The following EPRS1 variants were observed in gnomAD, a reference collection of about 807,000 sequenced individuals.
EPRS1 encodes the protein glutamyl-prolyl-tRNA synthetase 1.
A neutral mutation model predicts 188.3 loss-of-function variants in EPRS1; 107 were observed. The observed-to-expected ratio is 0.57, with a 90% confidence interval of 0.49 to 0.67. The LOEUF (loss-of-function observed/expected upper bound fraction) is 0.67. Among genes scored for constraint, EPRS1 ranks in the 30% least tolerant of loss-of-function variants. EPRS1 has a pLI of 0.00. For missense variants in EPRS1, 1,577 were observed against 1,802.2 expected, an observed-to-expected ratio of 0.88 and a Z score of 2.26; for synonymous variants, 596 against 593.1, an observed-to-expected ratio of 1.00 and a Z score of -0.07.
intron 30 of EPRS1, among the ~76,000 whole-genome samples, chr1:219,969,931 G>A (rs527292102): frequency 3.1e-4 from 47 of 152,026 alleles, no homozygotes; most frequent in Middle Eastern, 3.4e-3. Context: ...AGCAATTCTC[G>A]TGCCCCAGCC....
At chr1:220,027,427 CAAAAA>C (rs35659781) in intron 6 of EPRS1, among the ~76,000 whole-genome samples, 1 of 138,134 alleles carries the variant, frequency 7.2e-6, no homozygotes. Context: ...GACTCCATCT[CAAAAA>C]AAAAAAAAAA....
At chr1:220,013,710 T>C (rs1198635974) in intron 12 of EPRS1, among the ~76,000 whole-genome samples, 3 of 152,094 alleles carry the variant, frequency 2.0e-5, no homozygotes, top group African/African-American at 4.8e-5. Flanking sequence ...TAATTAGAGA[T>C]TGAGAGTGCC....
intron 23 of EPRS1, among the ~76,000 whole-genome samples, chr1:219,981,904 C>T (rs1660908775): frequency 1.3e-5 from 2 of 152,132 alleles, no homozygotes; most frequent in African/African-American, 4.8e-5. Context: ...AAACAATTTG[C>T]TGAATCCAGC....
Position 220,032,395 on chromosome 1 carries a change from C to T in EPRS1, c.520G>A (p.Ala174Thr), listed in dbSNP as rs780886318. The change falls in exon 5 of 32, where the codon GCT becomes ACT. Residue 174 changes from alanine to threonine, a missense_variant. Physicochemically the swap from Ala to Thr is moderately conservative, Grantham distance 58. This residue lies in a region of EPRS1 where 1,278 missense variants were observed against 1,457.4 expected (regional missense o/e 0.88). Transcript: ENST00000366923. ...GTKWDVSTTK[A>T]RVAPEKKQDV... ...AAGAAAAAAAGGCTTACCACTCGAG[C>T]TTTGGTTGTTGAAACATCCCACTTG... 8 of 1,600,734 alleles carry T rather than the reference C, an allele frequency of 5.0e-6. No individual in the cohort carries two copies. The Admixed American group carries it at 1.1e-4, about 21-fold the overall frequency.
At chr1:220,022,574 T>A in intron 8 of EPRS1, 56 bp from the exon 9 acceptor site, 2 of 1,331,060 alleles carry the variant, frequency 1.5e-6, no homozygotes, top group South Asian at 2.7e-5. Flanking sequence ...CAAATTATTC[T>A]CATAGTGCTA....
chr1:219,984,725 T>TA (rs983852889), intron 20 of EPRS1, among the ~76,000 whole-genome samples: 1 of 148,370 alleles, frequency 6.7e-6, no homozygotes, highest in African/African-American at 2.5e-5. Flanking sequence ...GCCTAGCCCC[T>TA]AAGATAATGT....
At chr1:220,017,494 C>T (rs1661744441) in intron 12 of EPRS1, among the ~76,000 whole-genome samples, 1 of 152,156 alleles carries the variant, frequency 6.6e-6, no homozygotes, top group African/African-American at 2.4e-5. Context: ...TTAGTAACTG[C>T]AGCAACAGCA....
chr1:220,001,063 T>C, intron 17 of EPRS1, 75 bp downstream of exon 17: 1 of 841,018 alleles, frequency 1.2e-6, no homozygotes, highest in Non-Finnish European at 2.1e-6. Flanking sequence ...GATAATCATC[T>C]GTAAAGAAAT....
At chr1:219,985,728 TAA>T (rs976087454) in intron 20 of EPRS1, among the ~76,000 whole-genome samples, 16 of 152,144 alleles carry the variant, frequency 1.1e-4, no homozygotes, top group African/African-American at 3.9e-4. Context: ...TTAACTAGAA[TAA>T]AAGTTGCAGA....
At chr1:220,043,546 G>C (rs1345799456) in intron 1 of EPRS1, among the ~76,000 whole-genome samples, 1 of 152,084 alleles carries the variant, frequency 6.6e-6, no homozygotes, top group Admixed American at 6.6e-5. Flanking sequence ...GTGAAGATCT[G>C]ATGCAAAGTG....
intron 14 of EPRS1, among the ~76,000 whole-genome samples, chr1:220,006,977 G>A (rs573800660): frequency 6.6e-6 from 1 of 152,246 alleles, no homozygotes; most frequent in Non-Finnish European, 1.5e-5. Context: ...TCCAGATGTA[G>A]TAATTTTCAA....
chr1:219,992,086 G>A (rs1023951639), intron 18 of EPRS1, among the ~76,000 whole-genome samples: 11 of 152,148 alleles, frequency 7.2e-5, no homozygotes, highest in Admixed American at 7.2e-4. Flanking sequence ...TTTGGCCTGA[G>A]ACATCTTAAA....
chr1:220,040,050 G>A, intron 2 of EPRS1, 135 bp downstream of exon 2: 1 of 590,096 alleles, frequency 1.7e-6, no homozygotes, highest in East Asian at 2.8e-5. Context: ...GCAGGATCCT[G>A]AGTCCACGAG....
chr1:219,994,255 A>C (rs1270741096), intron 18 of EPRS1, among the ~76,000 whole-genome samples: 1 of 152,096 alleles, frequency 6.6e-6, no homozygotes, highest in Admixed American at 6.5e-5. Context: ...GGTGAGTCTA[A>C]ATGCTCCCGG....
At chr1:220,025,296 T>C (rs1196448562) in intron 6 of EPRS1, 38 bp from the exon 7 acceptor site, 1 of 1,519,732 alleles carries the variant, frequency 6.6e-7, no homozygotes, top group Non-Finnish European at 8.9e-7. Flanking sequence ...CTCATTAACA[T>C]GTTTTAACTA....
At position 219,969,102 on chromosome 1, in the gene EPRS1, A is replaced by G; in HGVS notation, c.4344T>C (p.Cys1448=). The G allele has an allele frequency of 2.5e-6, 4 of 1,610,842 alleles. No homozygotes were observed. The highest frequency in any genetic ancestry group is 2.2e-5 in the South Asian group (2 of 90,984). ...TCCAGTCCTCACAGTCAATTTCCCC[A>G]CAGAATGGAATCTGAACAATCTAAT... ...DSGKIVQIPF[C]GEIDCEDWIK... Residue 1448 remains cysteine (C), a synonymous_variant, in exon 31 of 32, where the codon TGT becomes TGC. Transcript: ENST00000366923.
At chr1:220,010,006 G>A (rs1042182378) in intron 13 of EPRS1, among the ~76,000 whole-genome samples, 1 of 140,616 alleles carries the variant, frequency 7.1e-6, no homozygotes, top group East Asian at 2.2e-4. Context: ...TAAGGCATGA[G>A]AATCACTTGA....
At position 219,978,626 on chromosome 1, in the gene EPRS1, G is replaced by A. The variant is rs528956807; in HGVS notation, c.4003C>T (p.Leu1335Phe). 1.6e-5 allele frequency: 26 copies of A among 1,612,586 alleles called. No individual in the cohort carries two copies. The South Asian group carries it at 2.5e-4, about 16-fold the overall frequency. ...AKCNDYRRRL[L>F]SVNIRVRADL... Reference sequence around the variant, plus strand: ...GCTCTAACGCGGATGTTAACACTGAGTAATCGCCTTCGATAATCATTGCAT... The same window carrying A: ...GCTCTAACGCGGATGTTAACACTGAATAATCGCCTTCGATAATCATTGCAT... Residue 1335 changes from leucine (L) to phenylalanine (F), a missense_variant, in exon 28 of 32, where the codon CTC becomes TTC. Physicochemically the swap from Leu to Phe is conservative, Grantham distance 22 (BLOSUM62 0). Around this residue, in one of 3 missense-constraint regions of EPRS1, gnomAD observed 296 missense variants for 327.9 expected, o/e 0.90. Coordinates refer to ENST00000366923, the MANE Select transcript of EPRS1 (RefSeq NM_004446.3).
chr1:220,002,956 T>G (rs1661388554), intron 16 of EPRS1, among the ~76,000 whole-genome samples: 1 of 152,232 alleles, frequency 6.6e-6, no homozygotes, highest in African/African-American at 2.4e-5. Context: ...ATGTACACAT[T>G]TTTGTGTGAA....
Sources: gnomAD v4.1 joint callset for allele counts (sites outside exome capture counted in the v4.1 genomes callset) on GRCh38, gnomAD v4.1.1 for gene constraint, gnomAD v4.1.1 regional missense constraint, MANE v1.5 for transcripts, NCBI Gene and HGNC (gene_info 2026-07-23, HGNC 2026-07-21) for gene names.